The following MIDEAS variants were observed in gnomAD, a reference collection of about 807,000 sequenced individuals.
The protein encoded by MIDEAS is mitotic deacetylase-associated SANT domain protein.
A neutral mutation model predicts 102.7 loss-of-function variants in MIDEAS; 26 were observed. That is an observed-to-expected ratio of 0.25 (90% CI 0.19 to 0.35). The LOEUF (loss-of-function observed/expected upper bound fraction) is 0.35, where lower values mean the gene tolerates loss of function less well. MIDEAS is among the 10% of genes least tolerant of loss of function. The pLI is 1.00. For synonymous variants in MIDEAS, 585 were observed against 591.0 expected, an observed-to-expected ratio of 0.99 and a Z score of 0.15; for missense variants, 1,231 against 1,435.6, an observed-to-expected ratio of 0.86 and a Z score of 2.30.
rs1375684338 is a variant in MIDEAS at position 73,738,581 on chromosome 14, C to T, written c.1428G>A (p.Leu476=). ...LLTLAQKAVE[L]ASLQNAKDGS... ...TCACCTTTGCATTCTGCAGTGAGGC[C>T]AGCTCCACAGCCTTCTGGGCCAGGG... Residue 476 remains leucine, a synonymous_variant, in exon 2 of 13, where the codon CTG becomes CTA. Transcript: ENST00000423556. 6.3e-7 allele frequency: 1 copy of T among 1,591,118 alleles called. No homozygotes were observed. The highest frequency in any genetic ancestry group is 2.2e-5 in the East Asian group (1 of 44,540).
At chr14:73,777,038 C>A (rs1159379837) in intron 1 of MIDEAS, among the ~76,000 whole-genome samples, 1 of 151,570 alleles carries the variant, frequency 6.6e-6, no homozygotes, top group Non-Finnish European at 1.5e-5. Context: ...CCACTGCACT[C>A]CAGCCTGGGC....
chr14:73,727,633 C>T (rs770016438), intron 4 of MIDEAS, 109 bp from the exon 5 acceptor site: 12 of 1,072,382 alleles, frequency 1.1e-5, no homozygotes, highest in Non-Finnish European at 1.6e-5. Flanking sequence ...ACACACAGAG[C>T]TCACGCAGGG....
At chr14:73,721,146 T>C in intron 11 of MIDEAS, 151 bp downstream of exon 11, 1 of 735,492 alleles carries the variant, frequency 1.4e-6, no homozygotes, top group Non-Finnish European at 2.3e-6. Context: ...GTAGTGAGGA[T>C]TAAATGAGTT....
At chr14:73,738,154 T>C (rs560654132) in intron 2 of MIDEAS, among the ~76,000 whole-genome samples, 1 of 151,864 alleles carries the variant, frequency 6.6e-6, no homozygotes, top group Non-Finnish European at 1.5e-5. Flanking sequence ...TCCTAGCACT[T>C]TGGGGGGCTG....
At chr14:73,747,089 C>A (rs1462905775) in intron 1 of MIDEAS, among the ~76,000 whole-genome samples, 1 of 152,206 alleles carries the variant, frequency 6.6e-6, no homozygotes, top group Non-Finnish European at 1.5e-5. Flanking sequence ...ATCTGCTTTC[C>A]CTCAAGGCCT....
upstream of MIDEAS, among the ~76,000 whole-genome samples, chr14:73,760,720 C>T (rs2140157712): frequency 6.6e-6 from 1 of 152,326 alleles, no homozygotes; most frequent in East Asian, 1.9e-4. The surrounding 1 kb of genome is among the most constrained non-coding windows in gnomAD (Gnocchi z 4.8). Context: ...CACTTTCTGG[C>T]TCAAAAGCGT....
At chr14:73,753,313 C>G (rs1038599460) in intron 1 of MIDEAS, among the ~76,000 whole-genome samples, 3 of 152,198 alleles carry the variant, frequency 2.0e-5, no homozygotes, top group Admixed American at 2.0e-4. Flanking sequence ...GCCTGAATTC[C>G]TACTATCAGC....
At chr14:73,719,231 CCT>C in intron 12 of MIDEAS, 72 bp downstream of exon 12, 1 of 1,430,980 alleles carries the variant, frequency 7.0e-7, no homozygotes, top group Non-Finnish European at 9.2e-7. Context: ...TTCCCCCTCC[CCT>C]CCACCCCACC....
chr14:73,718,442 A>G lies in MIDEAS; in HGVS notation c.*401T>C, dbSNP rs530613798. 6.2e-6 allele frequency: 1 copy of G among 160,390 alleles called. No individual in the cohort carries two copies. Among genetic ancestry groups the G allele is most frequent in the Admixed American group, 6.4e-5 (1 of 15,504 alleles). 9.9% of individuals were successfully genotyped at this position (160,390 alleles called of 1,614,324 possible). The stretch of plus-strand genomic sequence containing the variant: ...GAGAAATGCTGCTCCAAAGTGGGTG[A>G]GCTTGTGCTTGGCCGGCCACGGTGG... On this transcript the variant is annotated 3_prime_UTR_variant, in exon 13 of 13. Coordinates refer to ENST00000423556, the MANE Select transcript of MIDEAS (RefSeq NM_001367710.1).
upstream of MIDEAS, among the ~76,000 whole-genome samples, chr14:73,788,044 C>T (rs781412508): frequency 2.0e-5 from 3 of 151,708 alleles, no homozygotes; most frequent in South Asian, 2.1e-4. Context: ...AAAAGTACAA[C>T]GGAAAGCCAC....
chr14:73,761,564 G>T (rs758089756), upstream of MIDEAS, among the ~76,000 whole-genome samples: 1 of 152,176 alleles, frequency 6.6e-6, no homozygotes, highest in Non-Finnish European at 1.5e-5. Flanking sequence ...ACAAAATACA[G>T]GTAATTATGC....
intron 5 of MIDEAS, chr14:73,727,240 T>C (rs924045742): frequency 1.6e-6 from 1 of 631,386 alleles, no homozygotes; most frequent in African/African-American, 1.9e-5. Flanking sequence ...CTCCTAGAGA[T>C]AAGTTCAAGC....
Position 73,716,305 on chromosome 14 carries a change from A to T in MIDEAS, c.*2538T>A, listed in dbSNP as rs897886257. On this transcript the variant is annotated 3_prime_UTR_variant, in exon 13 of 13. Coordinates refer to ENST00000423556, the MANE Select transcript of MIDEAS (RefSeq NM_001367710.1). The stretch of plus-strand genomic sequence containing the variant: ...GTCTGGCGGGATAATGCAGAGAGGT[A>T]CCATCTTGATTTTCCCCAGTTACAT... 2.0e-5 allele frequency: 3 copies of T among 152,176 alleles called. No homozygotes were observed. Among genetic ancestry groups the T allele is most frequent in the African/African-American group, 7.2e-5 (3 of 41,408 alleles). The allele number at this position is 152,176 out of a possible 1,614,324, so 9.4% of individuals were successfully genotyped here.
chr14:73,736,768 A>G (rs2053205584), intron 3 of MIDEAS, among the ~76,000 whole-genome samples: 1 of 152,200 alleles, frequency 6.6e-6, no homozygotes, highest in African/African-American at 2.4e-5. Context: ...ATTCAATTCT[A>G]GGCAGTTTCA....
chr14:73,727,202 A>G (rs2053073880), intron 5 of MIDEAS: 2 of 636,724 alleles, frequency 3.1e-6, no homozygotes, highest in Middle Eastern at 4.3e-4. Flanking sequence ...TACAGATGGG[A>G]AAGAGCCTCT....
At chr14:73,777,319 A>G (rs143670865) in intron 1 of MIDEAS, among the ~76,000 whole-genome samples, 56 of 152,016 alleles carry the variant, frequency 3.7e-4, no homozygotes, top group Non-Finnish European at 6.2e-4. Flanking sequence ...AGTCCTGATC[A>G]ATTTCTGAGC....
In MIDEAS at chr14:73,759,364, G is replaced by C. The variant is rs2053528056; in HGVS notation, c.-248+399C>G. On this transcript the variant is annotated intron_variant, in intron 1 of 12. Transcript: ENST00000423556. The surrounding 1 kb of genome is among the most constrained non-coding windows in gnomAD (Gnocchi z 6.7). Reference sequence around the variant, plus strand: ...ACGGACACCACGTTTCTCTCCAGCGGAGGAGGAGCAGCCGGATTCCCGAGC... The same window carrying C: ...ACGGACACCACGTTTCTCTCCAGCGCAGGAGGAGCAGCCGGATTCCCGAGC... Among the ~76,000 whole-genome samples the C allele has an allele frequency of 6.6e-6, 1 of 151,998 alleles. No individual in the cohort carries two copies. The highest frequency in any genetic ancestry group is 1.5e-5 in the Non-Finnish European group (1 of 67,958).
chr14:73,756,966 A>G (rs1433246525), intron 1 of MIDEAS, among the ~76,000 whole-genome samples: 2 of 152,154 alleles, frequency 1.3e-5, no homozygotes, highest in African/African-American at 4.8e-5. Context: ...ATCTTTCACT[A>G]ATTTGTTCAA....
At chr14:73,766,217 T>C (rs1009012365) in intron 1 of MIDEAS, among the ~76,000 whole-genome samples, 1 of 152,228 alleles carries the variant, frequency 6.6e-6, no homozygotes, top group African/African-American at 2.4e-5. Flanking sequence ...TATTGCAGCA[T>C]ATCTGGAATC....
Sources: gnomAD v4.1 joint callset for allele counts (sites outside exome capture counted in the v4.1 genomes callset) on GRCh38, gnomAD v4.1.1 for gene constraint, Gnocchi (gnomAD v3.1) non-coding constraint, MANE v1.5 for transcripts, NCBI Gene and HGNC (gene_info 2026-07-23, HGNC 2026-07-21) for gene names.